The following KCNK9 variants were observed in gnomAD, a reference collection of about 807,000 sequenced individuals.
The protein encoded by KCNK9 is potassium two pore domain channel subfamily K member 9.
In KCNK9, 1 loss-of-function variant was observed where a neutral mutation model predicts 10.8. That is an observed-to-expected ratio of 0.09 (90% CI 0.03 to 0.44). KCNK9 has a LOEUF of 0.44. Among genes scored for constraint, KCNK9 ranks in the 20% least tolerant of loss-of-function variants. KCNK9 has a pLI of 0.97. For synonymous variants in KCNK9, 231 were observed against 222.7 expected (o/e 1.04, Z -0.33); for missense variants, 303 against 515.0 (o/e 0.59, Z 3.98).
intron 2 of KCNK9, among the ~76,000 whole-genome samples, chr8:139,603,455 C>T (rs1388428298): frequency 6.6e-6 from 1 of 152,214 alleles, no homozygotes; most frequent in Non-Finnish European, 1.5e-5. Flanking sequence ...CGACTGCCCT[C>T]TTACTGAGTT....
In KCNK9 at chr8:139,700,518, GCGCACACACACACACACACA is replaced by G. The variant is rs1253865172; in HGVS notation, c.283+2172_283+2191del. Among the ~76,000 whole-genome samples the G allele has an allele frequency of 7.7e-3, 1,040 of 135,586 alleles. 3 individuals carry two copies. The highest frequency in any genetic ancestry group is 0.031 in the African/African-American group (984 of 31,358). 88.9% of individuals were successfully genotyped at this position (135,586 alleles called of 152,430 possible). A position where few individuals can be genotyped will look rare whatever the true frequency, so the allele number is the denominator to read the frequency against. ...CACACACACACACACACGCGCGCGC[GCGCACACACACACACACACA>G]CGCGCGCACACACACACACACACAC... On this transcript the variant is annotated intron_variant, in intron 1 of 1. Transcript: ENST00000520439.
At chr8:139,624,643 A>G (rs1456361789) in intron 1 of KCNK9, among the ~76,000 whole-genome samples, 1 of 152,038 alleles carries the variant, frequency 6.6e-6, no homozygotes, top group Non-Finnish European at 1.5e-5. Flanking sequence ...GCCCAGCCCC[A>G]TGTCCCAGCA....
intron 2 of KCNK9, among the ~76,000 whole-genome samples, chr8:139,602,473 GGGT>G (rs1817395606): frequency 6.6e-6 from 1 of 152,182 alleles, no homozygotes; most frequent in Non-Finnish European, 1.5e-5. Context: ...TTTTTTTGGA[GGGT>G]GGTGGGAGAC....
chr8:139,665,208 AG>A (rs1026386829), intron 1 of KCNK9, among the ~76,000 whole-genome samples: 57 of 152,276 alleles, frequency 3.7e-4, no homozygotes, highest in African/African-American at 1.3e-3. Context: ...CTACCTTCTG[AG>A]GGCCATCCGG....
intron 1 of KCNK9, among the ~76,000 whole-genome samples, chr8:139,639,242 T>C (rs537059939): frequency 9.8e-5 from 15 of 152,330 alleles, no homozygotes; most frequent in Admixed American, 1.3e-4. Context: ...AAACAGCCCA[T>C]TGATGCTCAC....
At position 139,687,516 on chromosome 8, in the gene KCNK9, A is replaced by ATATATATT. The variant is rs1816831408; in HGVS notation, c.283+15193_283+15194insAATATATA. Among the ~76,000 whole-genome samples, 20 of 137,852 alleles carry ATATATATT rather than the reference A, an allele frequency of 1.5e-4. 2 individuals carry two copies. Among genetic ancestry groups the ATATATATT allele is most frequent in the African/African-American group, 4.6e-4 (17 of 36,834 alleles). The allele number at this position is 137,852 out of a possible 152,430, so 90.4% of individuals were successfully genotyped here. On this transcript the variant is annotated intron_variant, in intron 1 of 1. Transcript: ENST00000520439. ...CACATATATACATATATATGTATACACATATATTCATATATATGTATACAC... is the reference window on the plus strand; with the variant it reads ...CACATATATACATATATATGTATACATATATATTCATATATTCATATATATGTATACAC...
At chr8:139,628,661 C>T (rs768648805) in intron 1 of KCNK9, among the ~76,000 whole-genome samples, 4 of 152,224 alleles carry the variant, frequency 2.6e-5, no homozygotes, top group Non-Finnish European at 2.9e-5. Flanking sequence ...AAAGCAATTT[C>T]CTCATATGAT....
chr8:139,687,619 TATATTC>T (rs1422864398), intron 1 of KCNK9, among the ~76,000 whole-genome samples: 1 of 76,576 alleles, frequency 1.3e-5, no homozygotes, highest in Non-Finnish European at 2.9e-5. Flanking sequence ...TGTATACATA[TATATTC>T]ATATGTATAC....
chr8:139,617,383 C>A lies in KCNK9; in HGVS notation c.*875G>T, dbSNP rs1408294180. Among the ~76,000 whole-genome samples, 1 of 152,122 alleles carries A rather than the reference C, an allele frequency of 6.6e-6. No homozygotes were observed. Among genetic ancestry groups the A allele is most frequent in the East Asian group, 1.9e-4 (1 of 5,192 alleles). On this transcript the variant is annotated 3_prime_UTR_variant, in exon 2 of 2. Coordinates refer to ENST00000520439, the MANE Select transcript of KCNK9 (RefSeq NM_001282534.2). ...CTGGAGGTGACAAAATTAAAAATGTCTTTTATAAGTTAATGTTATTGGCTT... is the reference window on the plus strand; with the variant it reads ...CTGGAGGTGACAAAATTAAAAATGTATTTTATAAGTTAATGTTATTGGCTT...
chr8:139,649,735 G>A (rs1815801245), intron 1 of KCNK9, among the ~76,000 whole-genome samples: 1 of 152,232 alleles, frequency 6.6e-6, no homozygotes, highest in South Asian at 2.1e-4. Flanking sequence ...TCTCAGCTGT[G>A]TAACCCTGGG....
chr8:139,684,246 G>A (rs1816745030), intron 1 of KCNK9, among the ~76,000 whole-genome samples: 1 of 152,150 alleles, frequency 6.6e-6, no homozygotes, highest in Admixed American at 6.5e-5. Flanking sequence ...TGAACCCTCA[G>A]TGAAGGCATG....
intron 1 of KCNK9, among the ~76,000 whole-genome samples, chr8:139,667,249 A>C (rs1816324160): frequency 6.6e-6 from 1 of 152,190 alleles, no homozygotes; most frequent in African/African-American, 2.4e-5. Context: ...CCTTAGCTCC[A>C]TCCTTGCCGC....
At chr8:139,612,966 C>G (rs1451866973), downstream of KCNK9, among the ~76,000 whole-genome samples, 2 of 152,140 alleles carry the variant, frequency 1.3e-5, no homozygotes, top group Non-Finnish European at 2.9e-5. Context: ...ACAAGACAAG[C>G]AATTATGGGA....
chr8:139,653,011 A>G (rs576446680), intron 1 of KCNK9, among the ~76,000 whole-genome samples: 220 of 152,272 alleles, frequency 1.4e-3, no homozygotes, highest in African/African-American at 4.8e-3. Context: ...GCTGTCCCCA[A>G]TGATGCACCT....
At position 139,703,070 on chromosome 8, in the gene KCNK9, G is replaced by GGCC; in HGVS notation, c.-81_-79dup. 4 of 1,265,722 alleles carry GGCC rather than the reference G, an allele frequency of 3.2e-6. No homozygotes were observed. The highest frequency in any genetic ancestry group is 2.7e-5 in the South Asian group (1 of 37,392). 78.4% of individuals were successfully genotyped at this position (1,265,722 alleles called of 1,614,324 possible). A position where few individuals can be genotyped will look rare whatever the true frequency, so the allele number is the denominator to read the frequency against. ...CGCGCGTCCCACTGCAGCGCCCGGC[G>GGCC]GCCGCCGCCGCCTCCTCCTCCGCCG... On this transcript the variant is annotated 5_prime_UTR_variant, in exon 1 of 2. Coordinates refer to ENST00000520439, the MANE Select transcript of KCNK9 (RefSeq NM_001282534.2). The surrounding 1 kb of genome is among the most constrained non-coding windows in gnomAD (Gnocchi z 6.4).
intron 1 of KCNK9, among the ~76,000 whole-genome samples, chr8:139,623,638 A>G (rs1814864757): frequency 1.3e-5 from 2 of 152,054 alleles, no homozygotes. Flanking sequence ...CCAGGCTCCT[A>G]CAATACCCTA....
chr8:139,623,110 A>G (rs549403959), intron 1 of KCNK9, among the ~76,000 whole-genome samples: 5 of 152,362 alleles, frequency 3.3e-5, no homozygotes, highest in East Asian at 1.9e-4. Context: ...CCATGTCTAC[A>G]GATTGTATGT....
At chr8:139,678,244 G>A (rs1282378369) in intron 1 of KCNK9, among the ~76,000 whole-genome samples, 2 of 152,230 alleles carry the variant, frequency 1.3e-5, no homozygotes, top group Non-Finnish European at 2.9e-5. Context: ...TCTCTCAGAG[G>A]TGAAGGGATT....
Position 139,617,345 on chromosome 8 carries a change from T to C in KCNK9, c.*913A>G, listed in dbSNP as rs1161986057. Among the ~76,000 whole-genome samples, 2 of 152,220 alleles carry C rather than the reference T, an allele frequency of 1.3e-5. No individual in the cohort carries two copies. The highest frequency in any genetic ancestry group is 2.9e-5 in the Non-Finnish European group (2 of 68,034). On this transcript the variant is annotated 3_prime_UTR_variant, in exon 2 of 2. Transcript: ENST00000520439. The stretch of plus-strand genomic sequence containing the variant: ...TCCCCTGACAATTCCAGTTGCATGG[T>C]AAATTGTTGGAACTGGAGGTGACAA...
Sources: allele counts gnomAD v4.1 joint callset (sites outside exome capture counted in the v4.1 genomes callset), GRCh38; gene constraint gnomAD v4.1.1; non-coding constraint Gnocchi (gnomAD v3.1); transcripts MANE v1.5; gene names NCBI Gene and HGNC (gene_info 2026-07-23, HGNC 2026-07-21).